NEBL: variants seen among roughly 807,000 people sequenced by gnomAD.
NEBL encodes the protein nebulette.
NEBL carries 122 observed loss-of-function variants against 140.2 expected under a neutral mutation model. That is an observed-to-expected ratio of 0.87 (90% CI 0.75 to 1.01). The LOEUF is 1.01. Ranked by LOEUF, NEBL falls within the 50% of genes least tolerant of loss-of-function variation. The pLI is 0.00. For missense variants in NEBL, 1,365 were observed against 1,231.3 expected (o/e 1.11, Z -1.62); for synonymous variants, 436 against 398.9 (o/e 1.09, Z -1.11).
At chr10:20,800,375 G>T (rs1837000611) in intron 26 of NEBL, among the ~76,000 whole-genome samples, 1 of 152,002 alleles carries the variant, frequency 6.6e-6, no homozygotes, top group South Asian at 2.1e-4. Context: ...TTCATCCTTT[G>T]ATGGGCATTT....
chr10:20,929,682 G>A (rs1349217713), intron 4 of NEBL, among the ~76,000 whole-genome samples: 1 of 151,282 alleles, frequency 6.6e-6, no homozygotes, highest in African/African-American at 2.4e-5. Flanking sequence ...TCATTTACAA[G>A]TGGGAGCTAA....
intron 3 of NEBL, among the ~76,000 whole-genome samples, chr10:21,235,881 G>A (rs1247015133): frequency 3.3e-5 from 5 of 152,190 alleles, no homozygotes; most frequent in African/African-American, 7.2e-5. Context: ...GAGATGTGGC[G>A]ATCATTCATG....
chr10:21,052,122 G>A (rs973512466), intron 2 of NEBL, among the ~76,000 whole-genome samples: 2 of 152,104 alleles, frequency 1.3e-5, no homozygotes, highest in Non-Finnish European at 2.9e-5. Flanking sequence ...AGATAAGAAG[G>A]AAAATGACAC....
intron 2 of NEBL, among the ~76,000 whole-genome samples, chr10:21,045,812 C>CA (rs1408112774): frequency 6.6e-6 from 1 of 152,072 alleles, no homozygotes; most frequent in African/African-American, 2.4e-5. Context: ...GAGATTTCCT[C>CA]AAAAAATGTA....
chr10:20,974,604 A>C (rs1189562572), intron 3 of NEBL, among the ~76,000 whole-genome samples: 1 of 152,208 alleles, frequency 6.6e-6, no homozygotes, highest in East Asian at 1.9e-4. Context: ...CTAGATTCTA[A>C]ACAATGTAAA....
Position 20,840,759 on chromosome 10 carries a change from C to G in NEBL, c.1318G>C (p.Ala440Pro). The change falls in exon 13 of 28, where the codon GCC becomes CCC. Residue 440 changes from alanine to proline, a missense_variant. Ala to Pro is a conservative substitution (Grantham distance 27). This residue lies in a region of NEBL where 1,323 missense variants were observed against 1,154.8 expected (regional missense o/e 1.15). Coordinates refer to ENST00000377122, the MANE Select transcript of NEBL (RefSeq NM_006393.3). ...EVLDIQRAKR[A>P]SEMASEKEYK... is the part of the protein sequence containing the mutation. Reference sequence around the variant, plus strand: ...CTCACCTCACTTGCCATTTCAGAGGCTCGCTTTGCTCTTTGGATATCAAGA... The same window carrying G: ...CTCACCTCACTTGCCATTTCAGAGGGTCGCTTTGCTCTTTGGATATCAAGA... 1 of 1,610,774 alleles carries G rather than the reference C, an allele frequency of 6.2e-7. No homozygotes were observed.
intron 3 of NEBL, among the ~76,000 whole-genome samples, chr10:21,212,436 C>G (rs1173510269): frequency 6.6e-6 from 1 of 152,138 alleles, no homozygotes; most frequent in Admixed American, 6.5e-5. Flanking sequence ...AGCGCCTACC[C>G]CTCCTCAGAG....
chr10:20,798,677 T>C (rs187755075), intron 26 of NEBL, among the ~76,000 whole-genome samples: 15 of 152,190 alleles, frequency 9.9e-5, no homozygotes, highest in Non-Finnish European at 2.1e-4. Context: ...AGAGCCACAT[T>C]TATGTTCTTC....
chr10:20,941,759 T>A (rs1834882045), intron 4 of NEBL, among the ~76,000 whole-genome samples: 1 of 152,068 alleles, frequency 6.6e-6, no homozygotes, highest in African/African-American at 2.4e-5. Flanking sequence ...ACAAAATCAA[T>A]GTGCAAAAAT....
intron 4 of NEBL, among the ~76,000 whole-genome samples, chr10:20,954,247 T>C (rs1835667585): frequency 6.6e-6 from 1 of 152,198 alleles, no homozygotes; most frequent in African/African-American, 2.4e-5. Context: ...TAATCTTCAC[T>C]GTAAGATGAA....
At chr10:21,265,330 G>C (rs1386298678) in intron 1 of NEBL, among the ~76,000 whole-genome samples, 2 of 152,106 alleles carry the variant, frequency 1.3e-5, no homozygotes, top group Non-Finnish European at 2.9e-5. Flanking sequence ...TCTAACACAG[G>C]AATCCTGGGG....
At chr10:20,849,683 A>G (rs758838063) in intron 11 of NEBL, among the ~76,000 whole-genome samples, 1 of 152,244 alleles carries the variant, frequency 6.6e-6, no homozygotes, top group Non-Finnish European at 1.5e-5. Flanking sequence ...TCCAGCCTCC[A>G]GAACTGAAAG....
chr10:20,935,649 G>T (rs940398193), intron 4 of NEBL, among the ~76,000 whole-genome samples: 1 of 152,154 alleles, frequency 6.6e-6, no homozygotes, highest in African/African-American at 2.4e-5. Context: ...TTAAAATACA[G>T]AATTTCAGAA....
At chr10:20,847,292 G>A (rs1390857007) in intron 11 of NEBL, among the ~76,000 whole-genome samples, 3 of 152,174 alleles carry the variant, frequency 2.0e-5, no homozygotes, top group African/African-American at 7.2e-5. Flanking sequence ...CTCAAGAAAT[G>A]ATGGTTGAGC....
At chr10:21,139,530 T>C (rs1564524709) in intron 2 of NEBL, among the ~76,000 whole-genome samples, 1 of 152,124 alleles carries the variant, frequency 6.6e-6, no homozygotes, top group Non-Finnish European at 1.5e-5. Context: ...GTCAAAGAAA[T>C]TATATGAGGT....
chr10:21,232,364 G>A (rs1392972389), intron 3 of NEBL, among the ~76,000 whole-genome samples: 1 of 152,036 alleles, frequency 6.6e-6, no homozygotes, highest in Admixed American at 6.6e-5. Flanking sequence ...ACAGACCAAG[G>A]GTCGGTCGGG....
At chr10:20,960,899 T>C in intron 4 of NEBL, among the ~76,000 whole-genome samples, 1 of 152,158 alleles carries the variant, frequency 6.6e-6, no homozygotes, top group East Asian at 1.9e-4. Flanking sequence ...AAAAATGGTA[T>C]GAGTGTTGCC....
At chr10:21,238,245 G>A (rs1418538386) in intron 3 of NEBL, among the ~76,000 whole-genome samples, 1 of 152,178 alleles carries the variant, frequency 6.6e-6, no homozygotes, top group African/African-American at 2.4e-5. Flanking sequence ...TTTCCGTAAA[G>A]TGAGTCATTT....
At chr10:20,848,950 T>C (rs1489112746) in intron 11 of NEBL, among the ~76,000 whole-genome samples, 4 of 152,216 alleles carry the variant, frequency 2.6e-5, no homozygotes, top group Non-Finnish European at 5.9e-5. Flanking sequence ...ACAAATAGCA[T>C]AGTTAATGCT....
Sources: gnomAD v4.1 joint callset for allele counts (sites outside exome capture counted in the v4.1 genomes callset) on GRCh38, gnomAD v4.1.1 for gene constraint, gnomAD v4.1.1 regional missense constraint, MANE v1.5 for transcripts, NCBI Gene and HGNC (gene_info 2026-07-23, HGNC 2026-07-21) for gene names.